The following TSPAN31 variants were observed in gnomAD, a reference collection of about 807,000 sequenced individuals.
TSPAN31 encodes tetraspanin 31, also known as tetraspanin-31.
Under a neutral mutation model 24.8 loss-of-function variants are expected in TSPAN31, and 16 were observed. That is an observed-to-expected ratio of 0.64 (90% CI 0.44 to 0.98). The LOEUF is 0.98. TSPAN31 is among the 50% of genes least tolerant of loss of function. The pLI is 0.00. For synonymous variants in TSPAN31, 87 were observed against 91.4 expected (o/e 0.95, Z 0.27); for missense variants, 209 against 251.6 (o/e 0.83, Z 1.15).
intron 1 of TSPAN31, 180 bp downstream of exon 1, chr12:57,745,397 G>A (rs1955134914): frequency 1.5e-6 from 1 of 684,768 alleles, no homozygotes; most frequent in Non-Finnish European, 2.4e-6. Context: ...GTTGATTAAG[G>A]GGGTTTGTCT....
intron 3 of TSPAN31, 107 bp from the exon 4 acceptor site, chr12:57,746,482 C>A: frequency 7.2e-7 from 1 of 1,391,480 alleles, no homozygotes; most frequent in Non-Finnish European, 1.0e-6. Flanking sequence ...TTGTTGCACA[C>A]CGTTATGCTT....
rs1396066642 is a variant in TSPAN31 at position 57,748,459 on chromosome 12, T to C, written c.*1169T>C. On this transcript the variant is annotated 3_prime_UTR_variant, in exon 6 of 6. Transcript: ENST00000257910. ...ATAGCCTCAGAGATAAAGGCAAAGATTGCCCTCTCAGTGTCCAGAAGGGAA... is the reference window on the plus strand; with the variant it reads ...ATAGCCTCAGAGATAAAGGCAAAGACTGCCCTCTCAGTGTCCAGAAGGGAA... The C allele has an allele frequency of 6.1e-6, 7 of 1,145,928 alleles. No homozygotes were observed. The highest frequency in any genetic ancestry group is 7.9e-6 in the Non-Finnish European group (6 of 755,292). 71.0% of individuals were successfully genotyped at this position (1,145,928 alleles called of 1,614,324 possible).
Position 57,748,664 on chromosome 12 carries a change from C to T in TSPAN31, c.*1374C>T. On this transcript the variant is annotated 3_prime_UTR_variant, in exon 6 of 6. Transcript: ENST00000257910. ...AGAAAACCATGAAGAAAACAGACTT[C>T]TGCCCACCCACAACAATACCTGGGA... is the stretch of plus-strand genomic sequence containing the variant. The T allele has an allele frequency of 7.9e-7, 1 of 1,268,992 alleles. No individual in the cohort carries two copies. Among genetic ancestry groups the T allele is most frequent in the Non-Finnish European group, 1.2e-6 (1 of 866,204 alleles). The allele number at this position is 1,268,992 out of a possible 1,614,324, so 78.6% of individuals were successfully genotyped here. A position where few individuals can be genotyped will look rare whatever the true frequency, so the allele number is the denominator to read the frequency against.
In TSPAN31 at chr12:57,748,461, G is replaced by T; in HGVS notation, c.*1171G>T. ...AGCCTCAGAGATAAAGGCAAAGATT[G>T]CCCTCTCAGTGTCCAGAAGGGAAAT... On this transcript the variant is annotated 3_prime_UTR_variant, in exon 6 of 6. Coordinates refer to ENST00000257910, the MANE Select transcript of TSPAN31 (RefSeq NM_005981.5). The T allele has an allele frequency of 1.7e-6, 2 of 1,149,684 alleles. No individual in the cohort carries two copies. Among genetic ancestry groups the T allele is most frequent in the Non-Finnish European group, 2.6e-6 (2 of 758,706 alleles). 71.2% of individuals were successfully genotyped at this position (1,149,684 alleles called of 1,614,324 possible). A position where few individuals can be genotyped will look rare whatever the true frequency, so the allele number is the denominator to read the frequency against.
rs1437077850 is a variant in TSPAN31, at chr12:57,745,759, G to A, written c.78G>A (p.Leu26=). Reference sequence around the variant, plus strand: ...TTTCTTCGTAGCTGGTGAGCTTGTTGCTCATTGGAGTGGCTGCTTGGGGCA... The same window carrying A: ...TTTCTTCGTAGCTGGTGAGCTTGTTACTCATTGGAGTGGCTGCTTGGGGCA... ...LNVVYMLVSL[L]LIGVAAWGKG... Residue 26 remains leucine, a synonymous_variant, in exon 2 of 6, where the codon TTG becomes TTA. Coordinates refer to ENST00000257910, the MANE Select transcript of TSPAN31 (RefSeq NM_005981.5). The A allele has an allele frequency of 1.9e-6, 3 of 1,613,484 alleles. No individual in the cohort carries two copies. The African/African-American group carries it at 4.0e-5, about 22-fold the overall frequency.
At chr12:57,746,551 G>A (rs759658603) in intron 3 of TSPAN31, 38 bp from the exon 4 acceptor site, 2 of 1,613,366 alleles carry the variant, frequency 1.2e-6, no homozygotes, top group Non-Finnish European at 1.7e-6. Context: ...ATAACAGGAT[G>A]TAGGGAGACT....
At chr12:57,747,168 G>T (rs747158736) in intron 5 of TSPAN31, 37 bp downstream of exon 5, 11 of 1,612,546 alleles carry the variant, frequency 6.8e-6, no homozygotes, top group Non-Finnish European at 9.3e-6. Flanking sequence ...CATCCTTTTT[G>T]AGACTGAGAA....
Position 57,746,681 on chromosome 12 carries a change from C to T in TSPAN31, c.405C>T (p.Leu135=). 6.2e-7 allele frequency: 1 copy of T among 1,614,202 alleles called. No homozygotes were observed. The highest frequency in any genetic ancestry group is 8.5e-7 in the Non-Finnish European group (1 of 1,180,042). The change falls in exon 4 of 6, where the codon CTC becomes CTT. Residue 135 remains leucine (L), a synonymous_variant. Coordinates refer to ENST00000257910, the MANE Select transcript of TSPAN31 (RefSeq NM_005981.5). ...RSFDCCGLFN[L]TTLYQQDYDF... is the part of the protein sequence containing the mutation. Reference sequence around the variant, plus strand: ...TTGATTGTTGTGGCTTATTCAACCTCACAACCCTGTATCAACAAGATTATG... The same window carrying T: ...TTGATTGTTGTGGCTTATTCAACCTTACAACCCTGTATCAACAAGATTATG...
chr12:57,746,204 T>C lies in TSPAN31; in HGVS notation c.260T>C (p.Ile87Thr). The change falls in exon 3 of 6, where the codon ATC becomes ACC. Residue 87 changes from isoleucine to threonine, a missense_variant. By Grantham distance (89) the Ile-to-Thr change is moderately conservative (BLOSUM62 -1). Transcript: ENST00000257910. Reference protein sequence around the residue: ...FYMIILGLVFIFQFVISCSCL... With the variant: ...FYMIILGLVFTFQFVISCSCL... ...ATGATCATCCTTGGTTTGGTCTTCA[T>C]CTTCCAATTTGTAATCTCTTGCTCA... The C allele has an allele frequency of 6.2e-7, 1 of 1,614,222 alleles. No homozygotes were observed. The highest frequency in any genetic ancestry group is 2.2e-5 in the East Asian group (1 of 44,886).
In TSPAN31 at chr12:57,747,681, T is replaced by C. The variant is rs2140379691; in HGVS notation, c.*391T>C. 5.7e-6 allele frequency: 1 copy of C among 174,128 alleles called. No homozygotes were observed. Among genetic ancestry groups the C allele is most frequent in the East Asian group, 1.4e-4 (1 of 6,990 alleles). The allele number at this position is 174,128 out of a possible 1,614,324, so 10.8% of individuals were successfully genotyped here. On this transcript the variant is annotated 3_prime_UTR_variant, in exon 6 of 6. Transcript: ENST00000257910. ...AACAACCAAGAACTCTTTCCTGTAA[T>C]AAGCAGGATCCAGTTTGAGAAAGTT...
Position 57,749,023 on chromosome 12 carries a change from A to C in TSPAN31, c.*1733A>C. ...GCCCAGCCAGGATGGGTTCTCTTCT[A>C]TATCCTTCTCTGTGGGTGGCTATTT... On this transcript the variant is annotated 3_prime_UTR_variant, in exon 6 of 6. Transcript: ENST00000257910. 2 of 962,492 alleles carry C rather than the reference A, an allele frequency of 2.1e-6. No individual in the cohort carries two copies. Among genetic ancestry groups the C allele is most frequent in the Non-Finnish European group, 3.3e-6 (2 of 611,264 alleles). The allele number at this position is 962,492 out of a possible 1,614,324, so 59.6% of individuals were successfully genotyped here. A position where few individuals can be genotyped will look rare whatever the true frequency, so the allele number is the denominator to read the frequency against.
chr12:57,746,009 C>T, intron 2 of TSPAN31, 97 bp downstream of exon 2: 1 of 1,491,690 alleles, frequency 6.7e-7, no homozygotes, highest in Non-Finnish European at 9.0e-7. Flanking sequence ...GGATCTTGGA[C>T]ACGTCTCCTT....
rs1248502310 is a variant in TSPAN31, at chr12:57,748,591, C to T, written c.*1301C>T. On this transcript the variant is annotated 3_prime_UTR_variant, in exon 6 of 6. Coordinates refer to ENST00000257910, the MANE Select transcript of TSPAN31 (RefSeq NM_005981.5). ...GCAGAGCTCGAAAGGCAGAGATTCGCTTGTGTGGGTTAAAAGTCAGCATTT... is the reference window on the plus strand; with the variant it reads ...GCAGAGCTCGAAAGGCAGAGATTCGTTTGTGTGGGTTAAAAGTCAGCATTT... 3 of 1,613,700 alleles carry T rather than the reference C, an allele frequency of 1.9e-6. No individual in the cohort carries two copies. Among genetic ancestry groups the T allele is most frequent in the Non-Finnish European group, 2.5e-6 (3 of 1,179,768 alleles).
rs547447761 is a variant in TSPAN31, at chr12:57,746,960, T to C, written c.445-58T>C. ...AGTTTCTAGGGACATTCGGCATAGGTATTAGTCACTAGCAACTTTACATTC... is the reference window on the plus strand; with the variant it reads ...AGTTTCTAGGGACATTCGGCATAGGCATTAGTCACTAGCAACTTTACATTC... On this transcript the variant is annotated intron_variant, in intron 4 of 5. Coordinates refer to ENST00000257910, the MANE Select transcript of TSPAN31 (RefSeq NM_005981.5). The C allele has an allele frequency of 1.6e-4, 232 of 1,477,766 alleles. 1 individual carries two copies. In the South Asian group the frequency reaches 2.5e-3, roughly 16 times the overall value. The allele number at this position is 1,477,766 out of a possible 1,614,324, so 91.5% of individuals were successfully genotyped here.
rs1323224963 is a variant in TSPAN31 at position 57,748,468 on chromosome 12, C to T, written c.*1178C>T. The stretch of plus-strand genomic sequence containing the variant: ...GAGATAAAGGCAAAGATTGCCCTCT[C>T]AGTGTCCAGAAGGGAAATGGCAGCT... On this transcript the variant is annotated 3_prime_UTR_variant, in exon 6 of 6. Coordinates refer to ENST00000257910, the MANE Select transcript of TSPAN31 (RefSeq NM_005981.5). The T allele has an allele frequency of 1.6e-6, 2 of 1,246,482 alleles. No individual in the cohort carries two copies. The highest frequency in any genetic ancestry group is 2.4e-6 in the Non-Finnish European group (2 of 846,532). The allele number at this position is 1,246,482 out of a possible 1,614,324, so 77.2% of individuals were successfully genotyped here. A position where few individuals can be genotyped will look rare whatever the true frequency, so the allele number is the denominator to read the frequency against.
rs192347082 is a variant in TSPAN31, at chr12:57,747,774, G to A, written c.*484G>A. 56 of 161,734 alleles carry A rather than the reference G, an allele frequency of 3.5e-4. 1 individual carries two copies. In the East Asian group the frequency reaches 6.3e-3, roughly 18 times the overall value. The allele number at this position is 161,734 out of a possible 1,614,324, so 10.0% of individuals were successfully genotyped here. A position where few individuals can be genotyped will look rare whatever the true frequency, so the allele number is the denominator to read the frequency against. ...TTTTTTTTTTTTGACACAGAGTCTT[G>A]CTCTGTTGCCCAGGCTGGAGTGCAA... On this transcript the variant is annotated 3_prime_UTR_variant, in exon 6 of 6. Transcript: ENST00000257910.
chr12:57,748,686 G>T lies in TSPAN31; in HGVS notation c.*1396G>T. On this transcript the variant is annotated 3_prime_UTR_variant, in exon 6 of 6. Transcript: ENST00000257910. ...CTTCTGCCCACCCACAACAATACCT[G>T]GGATGAGCTTTCTTCTTTTTTCTTT... The T allele has an allele frequency of 9.8e-7, 1 of 1,021,674 alleles. No homozygotes were observed. The highest frequency in any genetic ancestry group is 1.5e-6 in the Non-Finnish European group (1 of 648,462). The allele number at this position is 1,021,674 out of a possible 1,614,324, so 63.3% of individuals were successfully genotyped here. A position where few individuals can be genotyped will look rare whatever the true frequency, so the allele number is the denominator to read the frequency against.
rs1955158364 is a variant in TSPAN31 at position 57,746,717 on chromosome 12, T to C, written c.441T>C (p.Thr147=). The change falls in exon 4 of 6, where the codon ACT becomes ACC. Residue 147 remains threonine (T), a synonymous_variant. Coordinates refer to ENST00000257910, the MANE Select transcript of TSPAN31 (RefSeq NM_005981.5). ...ATCAACAAGATTATGATTTCTGCAC[T>C]GCAGTGAGTGTGTTGGGGGTGGTGC... ...TLYQQDYDFC[T]AICKSQSPTC... 1 of 1,614,040 alleles carries C rather than the reference T, an allele frequency of 6.2e-7. No homozygotes were observed. Among genetic ancestry groups the C allele is most frequent in the Admixed American group, 1.7e-5 (1 of 60,000 alleles).
Position 57,749,082 on chromosome 12 carries a change from A to T in TSPAN31, c.*1792A>T, listed in dbSNP as rs1444672088. On this transcript the variant is annotated 3_prime_UTR_variant, in exon 6 of 6. Coordinates refer to ENST00000257910, the MANE Select transcript of TSPAN31 (RefSeq NM_005981.5). ...AATAAAAACTACAGCCCATCTACCA[A>T]CCAAGTTTCATTAACCACAGTGGCC... The T allele has an allele frequency of 4.8e-6, 7 of 1,458,744 alleles. No individual in the cohort carries two copies. The highest frequency in any genetic ancestry group is 1.4e-5 in the African/African-American group (1 of 71,762). The allele number at this position is 1,458,744 out of a possible 1,614,324, so 90.4% of individuals were successfully genotyped here. A position where few individuals can be genotyped will look rare whatever the true frequency, so the allele number is the denominator to read the frequency against.
Sources: allele counts gnomAD v4.1 joint callset, GRCh38; gene constraint gnomAD v4.1.1; transcripts MANE v1.5; gene names NCBI Gene and HGNC (gene_info 2026-07-23, HGNC 2026-07-21).